The following COL4A2 variants were observed in gnomAD, a reference collection of about 807,000 sequenced individuals.
The protein encoded by COL4A2 is collagen alpha-2(IV) chain.
COL4A2 carries 99 observed loss-of-function variants against 200.2 expected under a neutral mutation model. The ratio of observed to expected loss-of-function variants is 0.49; its 90% CI spans 0.42 to 0.58. COL4A2 has a LOEUF of 0.58. COL4A2 is among the 20% of genes least tolerant of loss of function. The pLI is 0.00. For synonymous variants in COL4A2, 897 were observed against 900.6 expected, an observed-to-expected ratio of 1.00 and a Z score of 0.07; for missense variants, 1,950 against 2,314.1, an observed-to-expected ratio of 0.84 and a Z score of 3.23.
intron 29 of COL4A2, among the ~76,000 whole-genome samples, chr13:110,476,644 G>A (rs1308762582): frequency 1.3e-5 from 2 of 152,250 alleles, no homozygotes; most frequent in Non-Finnish European, 2.9e-5. Flanking sequence ...GGCTACGTGA[G>A]TGTGTGGACT....
chr13:110,320,913 C>G (rs1185588857), intron 3 of COL4A2, among the ~76,000 whole-genome samples: 1 of 152,104 alleles, frequency 6.6e-6, no homozygotes, highest in East Asian at 1.9e-4. Flanking sequence ...ACTAGAGTGT[C>G]TAAGAATAAA....
intron 3 of COL4A2, among the ~76,000 whole-genome samples, chr13:110,347,454 A>G (rs1876757523): frequency 6.6e-6 from 1 of 152,170 alleles, no homozygotes; most frequent in African/African-American, 2.4e-5. Flanking sequence ...TCTCTGCCTG[A>G]ACTCTTGCCC....
intron 30 of COL4A2, among the ~76,000 whole-genome samples, chr13:110,479,595 G>A (rs547686403): frequency 1.1e-4 from 17 of 152,336 alleles, no homozygotes; most frequent in African/African-American, 4.1e-4. Flanking sequence ...TGGAGCTAAG[G>A]AGTTGGAGCC....
In COL4A2 at chr13:110,434,458, T is replaced by A. The variant is rs753913413; in HGVS notation, c.726+16T>A. ...GGGTGAAAAGGTAAAGGAAGCCTGG[T>A]CAATTCCAGCAGAGGCATGCAGCAT... On this transcript the variant is annotated intron_variant, in intron 12 of 47. Transcript: ENST00000360467. 1.4e-5 allele frequency: 22 copies of A among 1,612,928 alleles called. No homozygotes were observed. Among genetic ancestry groups the A allele is most frequent in the Non-Finnish European group, 1.9e-5 (22 of 1,179,102 alleles).
At position 110,348,236 on chromosome 13, in the gene COL4A2, G is replaced by A. The variant is rs150707083; in HGVS notation, c.100-9236G>A. Among the ~76,000 whole-genome samples, 464 of 152,358 alleles carry A rather than the reference G, an allele frequency of 3.0e-3. 2 individuals carry two copies. The highest frequency in any genetic ancestry group is 0.018 in the South Asian group (86 of 4,832). On this transcript the variant is annotated intron_variant, in intron 3 of 47. Coordinates refer to ENST00000360467, the MANE Select transcript of COL4A2 (RefSeq NM_001846.4). ...GCTTATTCATTGTACGTGGGGGAGC[G>A]CCCCTGTCCTTCAGGCATTTCACCA...
At chr13:110,501,219 G>A (rs898107403) in intron 40 of COL4A2, among the ~76,000 whole-genome samples, 1 of 152,230 alleles carries the variant, frequency 6.6e-6, no homozygotes, top group Non-Finnish European at 1.5e-5. Flanking sequence ...GAGGACAGCC[G>A]CAGGGAGGGT....
chr13:110,313,579 T>C (rs7400264), intron 3 of COL4A2, among the ~76,000 whole-genome samples: 1,617 of 5,234 alleles, frequency 0.31, 327 homozygotes, highest in African/African-American at 0.48. Flanking sequence ...CAGTGCCCCG[T>C]GTCCACCCGG....
intron 4 of COL4A2, among the ~76,000 whole-genome samples, chr13:110,417,190 A>G (rs1880076352): frequency 6.6e-6 from 1 of 152,204 alleles, no homozygotes; most frequent in East Asian, 1.9e-4. Flanking sequence ...CATGTTGGCC[A>G]GTGATCCGCC....
chr13:110,319,837 A>G (rs1566471169), intron 3 of COL4A2, among the ~76,000 whole-genome samples: 2 of 152,144 alleles, frequency 1.3e-5, no homozygotes, highest in Admixed American at 1.3e-4. Context: ...TCCTCCCAAG[A>G]CAGTCTTAGC....
intron 24 of COL4A2, among the ~76,000 whole-genome samples, chr13:110,464,261 G>A (rs921142571): frequency 1.3e-5 from 2 of 152,174 alleles, no homozygotes; most frequent in Non-Finnish European, 2.9e-5. Flanking sequence ...GGTGGTCGGA[G>A]CAGGGTTAGG....
intron 40 of COL4A2, among the ~76,000 whole-genome samples, chr13:110,501,125 G>A (rs1306687033): frequency 1.3e-5 from 2 of 152,178 alleles, no homozygotes; most frequent in African/African-American, 4.8e-5. Flanking sequence ...TTCCAAGTGA[G>A]TTTTAGTGAG....
At chr13:110,480,900 CCATTGCTGGAGACACACTGT>C (rs1882877413) in intron 31 of COL4A2, among the ~76,000 whole-genome samples, 1 of 150,808 alleles carries the variant, frequency 6.6e-6, no homozygotes, top group South Asian at 2.1e-4. Flanking sequence ...TTCTGTCCTT[CCATTGCTGGAGACACACTGT>C]TCTGTCCCTC....
In COL4A2 at chr13:110,387,641, A is replaced by G. The variant is rs1878815334; in HGVS notation, c.180+30089A>G. On this transcript the variant is annotated intron_variant, in intron 4 of 47. Transcript: ENST00000360467. The stretch of plus-strand genomic sequence containing the variant: ...GGGAGCCCTGCGCTTGTTTCTAAGA[A>G]TAGGTGGCTTCCGGGATCTGGAGTT... 2.6e-5 allele frequency among the ~76,000 whole-genome samples: 4 copies of G among 152,260 alleles called. No homozygotes were observed. The South Asian group carries it at 8.3e-4, about 32-fold the overall frequency.
In COL4A2 at chr13:110,490,634, G is replaced by C. The variant is rs147441555; in HGVS notation, c.3347-599G>C. On this transcript the variant is annotated intron_variant, in intron 36 of 47. Coordinates refer to ENST00000360467, the MANE Select transcript of COL4A2 (RefSeq NM_001846.4). ...TGGGCTCCCGGTGGCTTCCTCCTGA[G>C]TGACGGGAGCTCTGTACTGCTGAGC... Among the ~76,000 whole-genome samples, 747 of 152,326 alleles carry C rather than the reference G, an allele frequency of 4.9e-3. 5 individuals carry two copies. The highest frequency in any genetic ancestry group is 0.017 in the African/African-American group (713 of 41,574).
chr13:110,415,209 C>T (rs529528674), intron 4 of COL4A2, among the ~76,000 whole-genome samples: 140 of 152,138 alleles, frequency 9.2e-4, no homozygotes, highest in Admixed American at 4.3e-3. Flanking sequence ...GGTTACACAA[C>T]TCTGTTATTT....
At chr13:110,317,634 A>G (rs563885785) in intron 3 of COL4A2, among the ~76,000 whole-genome samples, 4 of 152,306 alleles carry the variant, frequency 2.6e-5, no homozygotes, top group South Asian at 2.1e-4. Flanking sequence ...CAAGAAATAC[A>G]TGAGAATGGG....
chr13:110,456,581 C>T (rs1236341473), intron 20 of COL4A2: 1 of 363,604 alleles, frequency 2.8e-6, no homozygotes, highest in Non-Finnish European at 5.4e-6. Flanking sequence ...TCTTTCCAAC[C>T]CTGAAGGCTA....
At chr13:110,474,985 TG>T (rs1002835493) in intron 29 of COL4A2, among the ~76,000 whole-genome samples, 49 of 151,552 alleles carry the variant, frequency 3.2e-4, no homozygotes, top group South Asian at 8.3e-4. Context: ...CACACGTGCC[TG>T]TGCACACTCA....
At chr13:110,507,547 C>T (rs1355613618) in intron 46 of COL4A2, 3 of 254,034 alleles carry the variant, frequency 1.2e-5, no homozygotes, top group African/African-American at 6.5e-5. Context: ...GCCAGGACTC[C>T]TTCTGGGGTG....
Sources: gnomAD v4.1 joint callset for allele counts (sites outside exome capture counted in the v4.1 genomes callset) on GRCh38, gnomAD v4.1.1 for gene constraint, MANE v1.5 for transcripts, NCBI Gene and HGNC (gene_info 2026-07-23, HGNC 2026-07-21) for gene names.